GABRB1: variants seen among roughly 807,000 people sequenced by gnomAD.
GABRB1 encodes the protein gamma-aminobutyric acid receptor subunit beta-1.
Under a neutral mutation model 51.6 loss-of-function variants are expected in GABRB1, and 17 were observed. The ratio of observed to expected loss-of-function variants is 0.33; its 90% CI spans 0.23 to 0.49. The LOEUF (loss-of-function observed/expected upper bound fraction) is 0.49. Among genes scored for constraint, GABRB1 ranks in the 20% least tolerant of loss-of-function variants. The pLI is 0.99. For synonymous variants in GABRB1, 247 were observed against 218.9 expected, an observed-to-expected ratio of 1.13 and a Z score of -1.14; for missense variants, 410 against 600.6, an observed-to-expected ratio of 0.68 and a Z score of 3.32.
At chr4:47,396,789 G>A (rs1728192591) in intron 5 of GABRB1, among the ~76,000 whole-genome samples, 2 of 152,128 alleles carry the variant, frequency 1.3e-5, no homozygotes, top group South Asian at 4.1e-4. Flanking sequence ...ATCCTCATCA[G>A]CAACATGAGA....
At chr4:47,032,707 A>G (rs539979719) in intron 3 of GABRB1, 40 of 709,224 alleles carry the variant, frequency 5.6e-5, no homozygotes, top group East Asian at 2.7e-5. Flanking sequence ...GCTCGGCACT[A>G]TTTTGGGAAG....
chr4:47,116,609 G>A (rs1467515811), intron 3 of GABRB1, among the ~76,000 whole-genome samples: 2 of 152,038 alleles, frequency 1.3e-5, no homozygotes, highest in Admixed American at 6.6e-5. Flanking sequence ...AAAATAAAAG[G>A]TATACATTTA....
chr4:47,147,533 G>A (rs1290292481), intron 3 of GABRB1, among the ~76,000 whole-genome samples: 1 of 152,080 alleles, frequency 6.6e-6, no homozygotes, highest in Non-Finnish European at 1.5e-5. Flanking sequence ...CCTTTGGGAA[G>A]CCCAGGTTCT....
At chr4:47,213,511 C>T (rs1560588046) in intron 4 of GABRB1, among the ~76,000 whole-genome samples, 2 of 151,880 alleles carry the variant, frequency 1.3e-5, no homozygotes, top group African/African-American at 4.8e-5. Flanking sequence ...TCTCCCCCTC[C>T]TCGTTTCCCT....
chr4:47,304,056 C>A (rs1724359463), intron 4 of GABRB1, among the ~76,000 whole-genome samples: 1 of 152,054 alleles, frequency 6.6e-6, no homozygotes, highest in Non-Finnish European at 1.5e-5. Flanking sequence ...TTTATCCATT[C>A]AACTGTTAAT....
At chr4:47,236,384 C>T (rs1439162389) in intron 4 of GABRB1, among the ~76,000 whole-genome samples, 2 of 151,696 alleles carry the variant, frequency 1.3e-5, no homozygotes, top group African/African-American at 4.8e-5. Flanking sequence ...ATGTAATTAA[C>T]TCATTTAATT....
intron 5 of GABRB1, among the ~76,000 whole-genome samples, chr4:47,351,327 A>G (rs931441164): frequency 7.2e-5 from 11 of 152,176 alleles, no homozygotes; most frequent in African/African-American, 2.4e-4. Flanking sequence ...ATTCCCCCCA[A>G]AAAATATCCA....
chr4:47,255,443 T>G (rs1479937733), intron 4 of GABRB1, among the ~76,000 whole-genome samples: 2 of 152,224 alleles, frequency 1.3e-5, no homozygotes, highest in African/African-American at 2.4e-5. Context: ...GTGAGTTATC[T>G]GAACAAATAA....
intron 7 of GABRB1, among the ~76,000 whole-genome samples, chr4:47,404,528 C>CTT (rs1728505008): frequency 1.3e-5 from 2 of 150,742 alleles, no homozygotes; most frequent in Non-Finnish European, 3.0e-5. Flanking sequence ...CACACACACA[C>CTT]ATCATTTCTG....
intron 7 of GABRB1, among the ~76,000 whole-genome samples, chr4:47,405,836 C>T (rs572367634): frequency 6.6e-6 from 1 of 152,228 alleles, no homozygotes; most frequent in East Asian, 1.9e-4. Context: ...CCATCATCAA[C>T]ACAAAATATT....
rs138667268 is a variant in GABRB1 at position 47,289,058 on chromosome 4, T to A, written c.462-31069T>A. Among the ~76,000 whole-genome samples the A allele has an allele frequency of 4.9e-3, 744 of 151,938 alleles. 7 individuals are homozygous for A. The highest frequency in any genetic ancestry group is 0.017 in the African/African-American group (689 of 41,426). ...AAGCCTCTTTTTTTTTTGGCCTGAG[T>A]TTGTTTTTTGCTTCTGAGCCAGGGA... is the stretch of plus-strand genomic sequence containing the variant. On this transcript the variant is annotated intron_variant, in intron 4 of 8. Transcript: ENST00000295454.
intron 1 of GABRB1, among the ~76,000 whole-genome samples, chr4:46,999,018 T>C: frequency 1.3e-5 from 2 of 152,224 alleles, no homozygotes; most frequent in Non-Finnish European, 2.9e-5. Flanking sequence ...TGTTAGTGTA[T>C]ATGTATGGTA....
chr4:47,206,190 G>A (rs182879924), intron 4 of GABRB1, among the ~76,000 whole-genome samples: 2 of 152,110 alleles, frequency 1.3e-5, no homozygotes, highest in Non-Finnish European at 1.5e-5. Flanking sequence ...ATGAAAGAAT[G>A]ATTAGTTTAC....
At chr4:47,251,002 TG>T (rs958069051) in intron 4 of GABRB1, among the ~76,000 whole-genome samples, 4 of 152,094 alleles carry the variant, frequency 2.6e-5, no homozygotes, top group Non-Finnish European at 4.4e-5. Flanking sequence ...TATTATTTCT[TG>T]GGGGGGTGTT....
At chr4:47,103,228 A>T (rs1046799084) in intron 3 of GABRB1, among the ~76,000 whole-genome samples, 1 of 152,012 alleles carries the variant, frequency 6.6e-6, no homozygotes, top group African/African-American at 2.4e-5. Flanking sequence ...AGTAGGAAAA[A>T]GTCTTTCTGT....
chr4:47,076,729 AC>A (rs1727567954), intron 3 of GABRB1, among the ~76,000 whole-genome samples: 1 of 152,198 alleles, frequency 6.6e-6, no homozygotes, highest in Non-Finnish European at 1.5e-5. Context: ...TTTCAGGGTT[AC>A]CCTGTAGGAC....
intron 4 of GABRB1, among the ~76,000 whole-genome samples, chr4:47,188,605 TA>T (rs903301011): frequency 1.3e-5 from 2 of 151,020 alleles, no homozygotes; most frequent in South Asian, 2.1e-4. Context: ...AATAAAAATT[TA>T]AAAAAAAACA....
At chr4:47,093,153 A>G (rs1174409060) in intron 3 of GABRB1, among the ~76,000 whole-genome samples, 1 of 152,198 alleles carries the variant, frequency 6.6e-6, no homozygotes. Flanking sequence ...CATTAGACTG[A>G]AGAATACTTT....
intron 4 of GABRB1, among the ~76,000 whole-genome samples, chr4:47,313,418 C>T (rs182418971): frequency 3.9e-5 from 6 of 152,298 alleles, no homozygotes; most frequent in Admixed American, 3.9e-4. Flanking sequence ...AGTGTGAGTA[C>T]ATTTCCATGT....
Sources: gnomAD v4.1 joint callset for allele counts (sites outside exome capture counted in the v4.1 genomes callset) on GRCh38, gnomAD v4.1.1 for gene constraint, MANE v1.5 for transcripts, NCBI Gene and HGNC (gene_info 2026-07-23, HGNC 2026-07-21) for gene names.